The following RMDN2 variants were observed in gnomAD, a reference collection of about 807,000 sequenced individuals.
RMDN2 encodes the protein regulator of microtubule dynamics protein 2.
RMDN2 carries 61 observed loss-of-function variants against 52.8 expected under a neutral mutation model. The observed-to-expected ratio is 1.16, with a 90% CI of 0.94 to 1.43. RMDN2 has a LOEUF of 1.43. Ranked by LOEUF, RMDN2 falls within the 40% of genes most tolerant of loss-of-function variation. The probability of loss-of-function intolerance (pLI) is 0.00; values close to 1 mark genes in which losing one functional copy is unlikely to be tolerated. For missense variants in RMDN2, 592 were observed against 475.3 expected (o/e 1.25, Z -2.28); for synonymous variants, 180 against 153.1 (o/e 1.18, Z -1.30).
chr2:37,959,033 G>A (rs1669850199), intron 2 of RMDN2, among the ~76,000 whole-genome samples: 1 of 151,064 alleles, frequency 6.6e-6, no homozygotes, highest in African/African-American at 2.5e-5. Context: ...GCTATTTGAT[G>A]TGCTGCTGGA....
At chr2:37,947,304 T>C (rs574773985) in intron 2 of RMDN2, among the ~76,000 whole-genome samples, 6 of 148,190 alleles carry the variant, frequency 4.0e-5, no homozygotes, top group African/African-American at 1.6e-4. Flanking sequence ...TATTTGACTT[T>C]CTGTTTCTGA....
intron 2 of RMDN2, among the ~76,000 whole-genome samples, chr2:37,964,494 T>G (rs6544122): frequency 0.82 from 124,553 of 152,160 alleles, 51,185 homozygotes; most frequent in Middle Eastern, 0.91. Flanking sequence ...GATTTTCCAG[T>G]TTTTCTTCTG....
chr2:38,035,349 A>C (rs1329972105), intron 10 of RMDN2, among the ~76,000 whole-genome samples: 1 of 152,206 alleles, frequency 6.6e-6, no homozygotes, highest in Non-Finnish European at 1.5e-5. Flanking sequence ...TTAGGAAGAC[A>C]GCATCCTAAA....
intron 10 of RMDN2, among the ~76,000 whole-genome samples, chr2:38,060,837 A>C (rs1682015772): frequency 6.6e-6 from 1 of 152,168 alleles, no homozygotes; most frequent in African/African-American, 2.4e-5. Context: ...GCACAACACC[A>C]GGGGATGGGA....
At chr2:37,926,042 C>T (rs1023614823) in intron 1 of RMDN2, among the ~76,000 whole-genome samples, 8 of 152,194 alleles carry the variant, frequency 5.3e-5, no homozygotes, top group African/African-American at 1.7e-4. Context: ...TTTTCCAGGA[C>T]GCTGTAGGAA....
intron 10 of RMDN2, among the ~76,000 whole-genome samples, chr2:38,033,615 G>A (rs750553541): frequency 2.6e-5 from 4 of 152,220 alleles, no homozygotes; most frequent in South Asian, 2.1e-4. Context: ...TTCATTCTCC[G>A]CATAGATTAA....
intron 7 of RMDN2, among the ~76,000 whole-genome samples, chr2:37,994,764 A>G (rs1675279574): frequency 6.6e-6 from 1 of 152,238 alleles, no homozygotes; most frequent in Non-Finnish European, 1.5e-5. Flanking sequence ...TGAATAATAA[A>G]TACATTATCA....
chr2:37,999,425 A>T (rs1676015851), intron 8 of RMDN2, among the ~76,000 whole-genome samples: 1 of 152,214 alleles, frequency 6.6e-6, no homozygotes, highest in African/African-American at 2.4e-5. Context: ...TTTTAATTTC[A>T]TTAAAATTTA....
chr2:37,977,694 G>C (rs563479182), intron 4 of RMDN2, among the ~76,000 whole-genome samples: 77 of 151,980 alleles, frequency 5.1e-4, no homozygotes, highest in Non-Finnish European at 7.9e-4. Context: ...GGTCGCGGCC[G>C]GGTAGAGGCG....
At chr2:38,001,952 T>G (rs1201074956) in intron 8 of RMDN2, among the ~76,000 whole-genome samples, 5 of 152,162 alleles carry the variant, frequency 3.3e-5, no homozygotes, top group Non-Finnish European at 7.4e-5. Context: ...AATTGACAAC[T>G]TCCTTTAATT....
intron 1 of RMDN2, among the ~76,000 whole-genome samples, chr2:37,927,215 G>C (rs1051491176): frequency 1.3e-5 from 2 of 152,150 alleles, no homozygotes; most frequent in South Asian, 2.1e-4. Flanking sequence ...TGTTCAGTCA[G>C]TACTCTCCTT....
intron 2 of RMDN2, among the ~76,000 whole-genome samples, chr2:37,941,601 A>G (rs899855057): frequency 6.6e-6 from 1 of 152,176 alleles, no homozygotes; most frequent in Non-Finnish European, 1.5e-5. Context: ...CCCAGAGAGG[A>G]GGAATCTAGA....
rs1242976979 is a variant in RMDN2 at position 38,031,632 on chromosome 2, A to G, written c.1713+27416A>G. 2.6e-5 allele frequency among the ~76,000 whole-genome samples: 4 copies of G among 152,294 alleles called. No homozygotes were observed. In the East Asian group the frequency reaches 7.7e-4, roughly 29 times the overall value. On this transcript the variant is annotated intron_variant, in intron 10 of 10. Coordinates refer to the RMDN2 transcript ENST00000234195. ...CAGAGAAATCTGTGGATGAGAGGAA[A>G]GTTTATCTGGGTTTTCCTACATTCA...
At chr2:37,959,076 G>A (rs1669854527) in intron 2 of RMDN2, among the ~76,000 whole-genome samples, 2 of 150,968 alleles carry the variant, frequency 1.3e-5, no homozygotes, top group South Asian at 4.1e-4. Context: ...GAGGATTTTT[G>A]CATCGATCTT....
chr2:37,951,023 C>G (rs866454575), intron 2 of RMDN2, among the ~76,000 whole-genome samples: 1 of 152,034 alleles, frequency 6.6e-6, no homozygotes, highest in Non-Finnish European at 1.5e-5. Context: ...TAGAGATAAC[C>G]TCTTAGACTC....
chr2:38,037,704 T>C (rs147691212), intron 10 of RMDN2, among the ~76,000 whole-genome samples: 119 of 152,326 alleles, frequency 7.8e-4, no homozygotes, highest in Non-Finnish European at 1.4e-3. Flanking sequence ...GTGTTCGGCT[T>C]CCCGTTGGCT....
intron 10 of RMDN2, among the ~76,000 whole-genome samples, chr2:38,051,182 A>C (rs925930103): frequency 2.6e-5 from 4 of 152,246 alleles, no homozygotes; most frequent in African/African-American, 9.6e-5. Context: ...TCTGGAATTC[A>C]TGCAATTAGA....
chr2:38,055,134 A>T (rs1681807281), intron 10 of RMDN2, among the ~76,000 whole-genome samples: 1 of 152,052 alleles, frequency 6.6e-6, no homozygotes, highest in African/African-American at 2.4e-5. Flanking sequence ...GGCCAGGACC[A>T]GGTCTACTTT....
At chr2:38,023,153 G>C (rs1679521962) in intron 10 of RMDN2, among the ~76,000 whole-genome samples, 3 of 152,140 alleles carry the variant, frequency 2.0e-5, no homozygotes, top group African/African-American at 4.8e-5. Flanking sequence ...TTTAAGATAG[G>C]GGAGCTAAAG....
Sources: allele counts gnomAD v4.1 joint callset (sites outside exome capture counted in the v4.1 genomes callset), GRCh38; gene constraint gnomAD v4.1.1; transcripts MANE v1.5; gene names NCBI Gene and HGNC (gene_info 2026-07-23, HGNC 2026-07-21).